ZNF385D: variants seen among roughly 807,000 people sequenced by gnomAD.
ZNF385D encodes the protein zinc finger protein 659.
In ZNF385D, 15 loss-of-function variants were observed where a neutral mutation model predicts 35.8. That is an observed-to-expected ratio of 0.42 (90% CI 0.28 to 0.64). The LOEUF is 0.64. ZNF385D is among the 30% of genes least tolerant of loss of function. ZNF385D has a pLI of 0.23. For missense variants in ZNF385D, 474 were observed against 494.6 expected, an observed-to-expected ratio of 0.96 and a Z score of 0.39; for synonymous variants, 212 against 186.8, an observed-to-expected ratio of 1.13 and a Z score of -1.10.
intron 3 of ZNF385D, among the ~76,000 whole-genome samples, chr3:22,152,877 C>G (rs534327116): frequency 6.6e-6 from 1 of 152,218 alleles, no homozygotes; most frequent in Non-Finnish European, 1.5e-5. Flanking sequence ...GTACTATACT[C>G]TAAACCCATT....
chr3:22,338,512 A>G (rs548154938), intron 2 of ZNF385D, among the ~76,000 whole-genome samples: 48 of 152,134 alleles, frequency 3.2e-4, no homozygotes, highest in Non-Finnish European at 5.4e-4. Flanking sequence ...AGAAATATCA[A>G]TATACAGTGG....
chr3:21,789,755 G>C (rs1484383300), intron 3 of ZNF385D, among the ~76,000 whole-genome samples: 1 of 152,054 alleles, frequency 6.6e-6, no homozygotes, highest in Non-Finnish European at 1.5e-5. Flanking sequence ...ACTAAACAAA[G>C]ATGTAAAATG....
intron 1 of ZNF385D, among the ~76,000 whole-genome samples, chr3:21,697,565 G>C (rs968621665): frequency 2.0e-5 from 3 of 151,944 alleles, no homozygotes; most frequent in African/African-American, 7.2e-5. Flanking sequence ...TTGTAACTAA[G>C]TACTCAAAAG....
chr3:21,588,156 T>C (rs1057464757), intron 2 of ZNF385D, among the ~76,000 whole-genome samples: 1 of 152,156 alleles, frequency 6.6e-6, no homozygotes, highest in African/African-American at 2.4e-5. Flanking sequence ...GATATTATGA[T>C]AATTGCTGTA....
chr3:22,152,243 C>A (rs1350508888), intron 3 of ZNF385D, among the ~76,000 whole-genome samples: 2 of 152,100 alleles, frequency 1.3e-5, no homozygotes, highest in Non-Finnish European at 2.9e-5. Flanking sequence ...TACTTTCAGA[C>A]AAATGCTTAG....
intron 1 of ZNF385D, among the ~76,000 whole-genome samples, chr3:21,666,115 C>A (rs534623975): frequency 6.6e-6 from 1 of 152,320 alleles, no homozygotes; most frequent in Non-Finnish European, 1.5e-5. Context: ...TAGAGTGAGT[C>A]TCCTCGTATA....
At chr3:21,623,519 T>C (rs1288727561) in intron 2 of ZNF385D, among the ~76,000 whole-genome samples, 1 of 151,952 alleles carries the variant, frequency 6.6e-6, no homozygotes, top group South Asian at 2.1e-4. Context: ...GGTGCATGCT[T>C]GTAGTCTTAG....
At chr3:21,655,561 T>C (rs1043004395) in intron 2 of ZNF385D, among the ~76,000 whole-genome samples, 3 of 152,132 alleles carry the variant, frequency 2.0e-5, no homozygotes, top group African/African-American at 7.2e-5. Context: ...TCCTAGACGC[T>C]CTTTTTTATA....
At chr3:22,325,299 G>A (rs1431310690) in intron 2 of ZNF385D, among the ~76,000 whole-genome samples, 2 of 152,180 alleles carry the variant, frequency 1.3e-5, no homozygotes, top group South Asian at 4.1e-4. Flanking sequence ...TAATATTGGG[G>A]AACACTGAAT....
chr3:22,098,166 T>A (rs532523841), intron 3 of ZNF385D, among the ~76,000 whole-genome samples: 1 of 152,070 alleles, frequency 6.6e-6, no homozygotes, highest in Admixed American at 6.6e-5. Context: ...GAGTTCAAGA[T>A]AGATTTAATC....
At chr3:22,050,141 G>C (rs1699256002) in intron 3 of ZNF385D, among the ~76,000 whole-genome samples, 1 of 151,914 alleles carries the variant, frequency 6.6e-6, no homozygotes, top group African/African-American at 2.4e-5. Context: ...CAACGCATGA[G>C]GATTGTTTGA....
chr3:21,420,996 C>A lies in ZNF385D; in HGVS notation c.*218G>T, dbSNP rs769949094. 1 of 517,000 alleles carries A rather than the reference C, an allele frequency of 1.9e-6. No homozygotes were observed. Among genetic ancestry groups the A allele is most frequent in the Non-Finnish European group, 3.5e-6 (1 of 288,486 alleles). The allele number at this position is 517,000 out of a possible 1,614,324, so 32.0% of individuals were successfully genotyped here. A position where few individuals can be genotyped will look rare whatever the true frequency, so the allele number is the denominator to read the frequency against. On this transcript the variant is annotated 3_prime_UTR_variant, in exon 8 of 8. Transcript: ENST00000281523. ...TGGAGATCACTTCTAAAACAATCAG[C>A]GTTCAAGAGGAATGCTTTAATTTGG... is the stretch of plus-strand genomic sequence containing the variant.
chr3:21,753,383 T>G (rs79599115), upstream of ZNF385D, among the ~76,000 whole-genome samples: 852 of 152,324 alleles, frequency 5.6e-3, 14 homozygotes, highest in African/African-American at 0.02. Flanking sequence ...CTGCATGTTC[T>G]AGAAACAAAT....
At chr3:21,604,618 A>T (rs545926043) in intron 2 of ZNF385D, among the ~76,000 whole-genome samples, 1 of 152,282 alleles carries the variant, frequency 6.6e-6, no homozygotes, top group African/African-American at 2.4e-5. Flanking sequence ...GTGAAATTTA[A>T]GGAGGTGAAA....
In ZNF385D at chr3:21,706,854, A is replaced by AG. The variant is rs58636971; in HGVS notation, c.23-41827_23-41826insC. On this transcript the variant is annotated intron_variant, in intron 1 of 7. Transcript: ENST00000281523. ...TAGATAGATAGATAGATAGATAGAT[A>AG]AATAGATTAGACAGATAAATTCTAA... 7.1e-3 allele frequency among the ~76,000 whole-genome samples: 1,024 copies of AG among 143,880 alleles called. 13 individuals carry two copies. The highest frequency in any genetic ancestry group is 0.023 in the African/African-American group (926 of 39,538). 94.4% of individuals were successfully genotyped at this position (143,880 alleles called of 152,430 possible).
At chr3:22,181,818 C>G (rs1327264944) in intron 2 of ZNF385D, among the ~76,000 whole-genome samples, 1 of 152,172 alleles carries the variant, frequency 6.6e-6, no homozygotes, top group Middle Eastern at 3.4e-3. Flanking sequence ...AAGAAGCAAG[C>G]TGCCAAAGCT....
At chr3:21,542,860 C>T (rs2125567943) in intron 3 of ZNF385D, 1 of 152,392 alleles carries the variant, frequency 6.6e-6, no homozygotes, top group South Asian at 2.1e-4. Context: ...CGATAAAACC[C>T]TGCTTTATTC....
chr3:22,263,109 C>T (rs1559486031), intron 2 of ZNF385D, among the ~76,000 whole-genome samples: 1 of 151,962 alleles, frequency 6.6e-6, no homozygotes, highest in Non-Finnish European at 1.5e-5. Context: ...TCTTTAGCTC[C>T]TTTCTTGGCT....
At chr3:22,005,638 A>T (rs1389377145) in intron 3 of ZNF385D, among the ~76,000 whole-genome samples, 3 of 152,118 alleles carry the variant, frequency 2.0e-5, no homozygotes, top group Admixed American at 2.0e-4. Flanking sequence ...TAAGAATTAA[A>T]ATGAAATATT....
Sources: allele counts gnomAD v4.1 joint callset (sites outside exome capture counted in the v4.1 genomes callset), GRCh38; gene constraint gnomAD v4.1.1; transcripts MANE v1.5; gene names NCBI Gene and HGNC (gene_info 2026-07-23, HGNC 2026-07-21).